ADGB: variants seen among roughly 807,000 people sequenced by gnomAD.
The protein encoded by ADGB is calpain-7-like protein.
In ADGB, 172 loss-of-function variants were observed where a neutral mutation model predicts 210.5. The observed-to-expected ratio is 0.82, with a 90% CI of 0.72 to 0.93. The LOEUF (loss-of-function observed/expected upper bound fraction) is 0.93. Ranked by LOEUF, ADGB falls within the 40% of genes least tolerant of loss-of-function variation. The pLI, the probability that ADGB is intolerant of heterozygous loss-of-function variation, is 0.00. For synonymous variants in ADGB, 658 were observed against 662.7 expected (o/e 0.99, Z 0.11); for missense variants, 2,025 against 1,964.8 (o/e 1.03, Z -0.58).
chr6:146,778,816 GAA>G, intron 29 of ADGB, among the ~76,000 whole-genome samples: 1 of 152,138 alleles, frequency 6.6e-6, no homozygotes, highest in Non-Finnish European at 1.5e-5. Context: ...GGTTTGGATA[GAA>G]AATAAATCCT....
chr6:146,703,487 T>A (rs1173148713), intron 13 of ADGB, among the ~76,000 whole-genome samples: 6 of 151,862 alleles, frequency 4.0e-5, no homozygotes, highest in African/African-American at 1.4e-4. Context: ...ACTGAAACTT[T>A]GTATCCTTTG....
intron 35 of ADGB, among the ~76,000 whole-genome samples, chr6:146,813,889 T>C (rs1357533776): frequency 1.3e-5 from 2 of 152,192 alleles, no homozygotes; most frequent in Non-Finnish European, 2.9e-5. Context: ...TGAGTTTTGA[T>C]TGAAGCCATT....
Position 146,745,999 on chromosome 6 carries a change from C to T in ADGB, c.3255C>T (p.Ile1085=), listed in dbSNP as rs1256181667. The change falls in exon 26 of 36, where the codon ATC becomes ATT. Residue 1085 remains isoleucine, a synonymous_variant. Transcript: ENST00000397944. The part of the protein sequence containing the change: ...VAASRWKLRL[I]GSSAPLPCLS... ...CCTCACGATGGAAACTGCGTCTCATCGGTTCTTCTGCTCCACTGCCATGCC... is the reference window on the plus strand; with the variant it reads ...CCTCACGATGGAAACTGCGTCTCATTGGTTCTTCTGCTCCACTGCCATGCC... 20 of 1,551,202 alleles carry T rather than the reference C, an allele frequency of 1.3e-5. No individual in the cohort carries two copies. The Admixed American group carries it at 1.4e-4, about 11-fold the overall frequency.
At chr6:146,805,007 A>C (rs1055932473) in intron 35 of ADGB, among the ~76,000 whole-genome samples, 2 of 152,232 alleles carry the variant, frequency 1.3e-5, no homozygotes, top group Non-Finnish European at 2.9e-5. Flanking sequence ...TTAACTTTAC[A>C]GGCCTTAGTT....
chr6:146,622,360 A>G (rs1780906686), intron 1 of ADGB, among the ~76,000 whole-genome samples: 1 of 152,122 alleles, frequency 6.6e-6, no homozygotes, highest in Non-Finnish European at 1.5e-5. Flanking sequence ...GAGATTCTGG[A>G]AAGAATCCAC....
At chr6:146,682,050 C>A (rs1044498344) in intron 9 of ADGB, among the ~76,000 whole-genome samples, 4 of 152,082 alleles carry the variant, frequency 2.6e-5, no homozygotes, top group Non-Finnish European at 5.9e-5. Context: ...AGTAGGCATT[C>A]ACTGAAAGTT....
chr6:146,786,053 T>C (rs1190090761), intron 32 of ADGB, among the ~76,000 whole-genome samples: 2 of 150,880 alleles, frequency 1.3e-5, no homozygotes, highest in African/African-American at 4.9e-5. Context: ...GGTCTACTAC[T>C]ATATTATTAT....
intron 1 of ADGB, among the ~76,000 whole-genome samples, chr6:146,604,375 T>A (rs1157832656): frequency 3.3e-5 from 5 of 152,140 alleles, no homozygotes; most frequent in African/African-American, 9.7e-5. Context: ...TAATGCAAAA[T>A]TTTTTAAATC....
At chr6:146,761,570 T>C (rs182365732) in intron 27 of ADGB, among the ~76,000 whole-genome samples, 6 of 152,072 alleles carry the variant, frequency 3.9e-5, no homozygotes, top group Non-Finnish European at 2.9e-5. Context: ...ATGAACACAG[T>C]ACATCCCTCA....
intron 6 of ADGB, 125 bp downstream of exon 6, chr6:146,664,465 T>A: frequency 1.0e-6 from 1 of 1,000,136 alleles, no homozygotes; most frequent in Non-Finnish European, 1.4e-6. Flanking sequence ...CTAAACAATG[T>A]AATGCTCTAG....
At position 146,692,880 on chromosome 6, in the gene ADGB, T is replaced by C. The variant is rs1322598695; in HGVS notation, c.1542T>C (p.Asn514=). 1 of 1,539,272 alleles carries C rather than the reference T, an allele frequency of 6.5e-7. No homozygotes were observed. The highest frequency in any genetic ancestry group is 8.8e-7 in the Non-Finnish European group (1 of 1,138,448). ...RFLEISSPFL[N]YRMTPFTIPT... ...TTGAGATTTCAAGTCCATTTTTGAA[T>C]TATAGAATGACTCCATTTACAATTC... Residue 514 remains asparagine (N), a synonymous_variant, in exon 12 of 36, where the codon AAT becomes AAC. Coordinates refer to ENST00000397944, the MANE Select transcript of ADGB (RefSeq NM_024694.4).
chr6:146,764,093 C>A lies in ADGB; in HGVS notation c.3743C>A (p.Pro1248Gln), dbSNP rs747810909. 7 of 1,538,898 alleles carry A rather than the reference C, an allele frequency of 4.5e-6. No individual in the cohort carries two copies. The highest frequency in any genetic ancestry group is 4.9e-5 in the East Asian group (2 of 40,752). The part of the protein sequence containing the change: ...TPTREDSSST[P>Q]LQNYKYIIQC... ...ACTAGAGAAGACAGTTCCAGCACAC[C>A]ACTGCAGGTATATTAAAAACAATTG... Residue 1248 changes from proline to glutamine, a missense_variant, in exon 28 of 36, where the codon CCA becomes CAA. Physicochemically the swap from Pro to Gln is moderately conservative, Grantham distance 76. Transcript: ENST00000397944.
chr6:146,664,454 C>A, intron 6 of ADGB, 114 bp downstream of exon 6: 1 of 1,131,280 alleles, frequency 8.8e-7, no homozygotes, highest in Non-Finnish European at 1.2e-6. Context: ...AGCTTTTTCC[C>A]CTAAACAATG....
rs9485106 is a variant in ADGB, at chr6:146,664,108, C to T, written c.613-93C>T. The T allele has an allele frequency of 6.4e-3, 7,920 of 1,242,628 alleles. 370 individuals carry two copies. In the African/African-American group the frequency reaches 0.1, roughly 16 times the overall value. 77.0% of individuals were successfully genotyped at this position (1,242,628 alleles called of 1,614,324 possible). ...AAGATGCTAAAATAAAATTGGAAAA[C>T]GGTAAATAGTAATGTCAGCCACGTG... On this transcript the variant is annotated intron_variant, in intron 5 of 35. Coordinates refer to ENST00000397944, the MANE Select transcript of ADGB (RefSeq NM_024694.4).
chr6:146,673,816 A>G (rs528794537), intron 8 of ADGB, among the ~76,000 whole-genome samples: 22 of 152,292 alleles, frequency 1.4e-4, no homozygotes, highest in African/African-American at 4.8e-4. Context: ...TTTCATGTCA[A>G]GACTCCTAGG....
intron 26 of ADGB, among the ~76,000 whole-genome samples, chr6:146,746,423 G>T (rs1027029621): frequency 6.6e-6 from 1 of 151,894 alleles, no homozygotes; most frequent in Non-Finnish European, 1.5e-5. Flanking sequence ...TATTTTGTGG[G>T]GGTTTAATCA....
Position 146,641,481 on chromosome 6 carries a change from G to T in ADGB, c.238-3292G>T, listed in dbSNP as rs373988961. Among the ~76,000 whole-genome samples the T allele has an allele frequency of 2.2e-4, 33 of 150,538 alleles. No homozygotes were observed. In the East Asian group the frequency reaches 5.8e-3, roughly 27 times the overall value. On this transcript the variant is annotated intron_variant, in intron 2 of 35. Coordinates refer to ENST00000397944, the MANE Select transcript of ADGB (RefSeq NM_024694.4). ...AAAAAAAAAAAGCTGGAGGAATCAC[G>T]CGACCTGACTTCAAACTGTACTATT... is the stretch of plus-strand genomic sequence containing the variant.
chr6:146,779,053 G>T (rs1260765363), intron 29 of ADGB, among the ~76,000 whole-genome samples: 6 of 141,424 alleles, frequency 4.2e-5, no homozygotes, highest in African/African-American at 1.6e-4. Context: ...CAGCTCAGCA[G>T]TAGCTTTGGA....
intron 13 of ADGB, among the ~76,000 whole-genome samples, chr6:146,712,337 A>C (rs1776670639): frequency 7.0e-6 from 1 of 142,728 alleles, no homozygotes; most frequent in Non-Finnish European, 1.5e-5. Context: ...GGCACTTGTC[A>C]CCACACCAGG....
Sources: allele counts gnomAD v4.1 joint callset (sites outside exome capture counted in the v4.1 genomes callset), GRCh38; gene constraint gnomAD v4.1.1; transcripts MANE v1.5; gene names NCBI Gene and HGNC (gene_info 2026-07-23, HGNC 2026-07-21).